LMNTD1: variants seen among roughly 807,000 people sequenced by gnomAD.
LMNTD1 encodes lamin tail domain containing 1.
LMNTD1 carries 35 observed loss-of-function variants against 50.9 expected under a neutral mutation model. The observed-to-expected ratio is 0.69, with a 90% confidence interval of 0.53 to 0.91. The LOEUF (loss-of-function observed/expected upper bound fraction) is 0.91. Ranked by LOEUF, LMNTD1 falls within the 40% of genes least tolerant of loss-of-function variation. The pLI, the probability that LMNTD1 is intolerant of heterozygous loss-of-function variation, is 0.00. For missense variants in LMNTD1, 470 were observed against 475.5 expected (o/e 0.99, Z 0.11); for synonymous variants, 153 against 161.9 (o/e 0.94, Z 0.42).
At chr12:25,612,545 C>T (rs898365503) in intron 1 of LMNTD1, among the ~76,000 whole-genome samples, 3 of 152,060 alleles carry the variant, frequency 2.0e-5, no homozygotes, top group Admixed American at 6.6e-5. Context: ...AATGTAAACT[C>T]GCATCAGATC....
At chr12:25,616,068 C>T (rs1946347240) in intron 1 of LMNTD1, among the ~76,000 whole-genome samples, 2 of 148,556 alleles carry the variant, frequency 1.3e-5, no homozygotes, top group Admixed American at 6.9e-5. Context: ...GACTATACCT[C>T]ACCCTCCCAC....
At chr12:25,621,407 A>T (rs1235868287) in intron 1 of LMNTD1, among the ~76,000 whole-genome samples, 3 of 152,174 alleles carry the variant, frequency 2.0e-5, no homozygotes, top group Non-Finnish European at 4.4e-5. Flanking sequence ...TTTTAAAACA[A>T]ATTTTATTTT....
intron 4 of LMNTD1, among the ~76,000 whole-genome samples, chr12:25,544,827 A>T (rs1943327246): frequency 6.6e-6 from 1 of 151,814 alleles, no homozygotes. Flanking sequence ...AGAATAGAAA[A>T]AAAGAAAGAA....
At chr12:25,570,248 AAAT>A (rs1944732538) in intron 1 of LMNTD1, among the ~76,000 whole-genome samples, 1 of 152,246 alleles carries the variant, frequency 6.6e-6, no homozygotes. Context: ...TGCGAATAAA[AAAT>A]AAATATAGTG....
intron 1 of LMNTD1, among the ~76,000 whole-genome samples, chr12:25,580,045 C>G (rs1945212366): frequency 6.6e-6 from 1 of 152,130 alleles, no homozygotes; most frequent in Admixed American, 6.5e-5. Context: ...TGTGCAACTA[C>G]TCTCTGCAAG....
chr12:25,513,642 A>C (rs1407401873), intron 8 of LMNTD1, among the ~76,000 whole-genome samples: 3 of 152,232 alleles, frequency 2.0e-5, no homozygotes, highest in Non-Finnish European at 4.4e-5. Flanking sequence ...CTTCAAAAAC[A>C]AGCAAGCAAA....
At chr12:25,639,761 C>G (rs1946913299) in intron 1 of LMNTD1, among the ~76,000 whole-genome samples, 1 of 152,152 alleles carries the variant, frequency 6.6e-6, no homozygotes, top group Admixed American at 6.5e-5. Flanking sequence ...AAGTGTTAAA[C>G]ATATAGTTAC....
Position 25,516,929 on chromosome 12 carries a change from T to A in LMNTD1, c.1189+1866A>T, listed in dbSNP as rs571490724. On this transcript the variant is annotated intron_variant, in intron 8 of 9. Transcript: ENST00000458174. ...AACAGATACTTCTCTAAAGAAGACA[T>A]TTATGCAGCCAAAAAACACATGAAA... Among the ~76,000 whole-genome samples, 32 of 151,656 alleles carry A rather than the reference T, an allele frequency of 2.1e-4. 1 individual carries two copies. The South Asian group carries it at 5.7e-3, about 27-fold the overall frequency.
intron 9 of LMNTD1, among the ~76,000 whole-genome samples, chr12:25,489,630 A>G (rs1938820004): frequency 6.6e-6 from 1 of 151,918 alleles, no homozygotes; most frequent in South Asian, 2.1e-4. Flanking sequence ...AGCTGTTCCT[A>G]TTCGGCCATC....
intron 1 of LMNTD1, among the ~76,000 whole-genome samples, chr12:25,605,293 T>C (rs1007410389): frequency 8.5e-5 from 13 of 152,292 alleles, no homozygotes; most frequent in African/African-American, 3.1e-4. Flanking sequence ...ATGTTGTAGG[T>C]TGCCTGTTCA....
chr12:25,613,201 T>C (rs892957192), intron 1 of LMNTD1, among the ~76,000 whole-genome samples: 3 of 152,142 alleles, frequency 2.0e-5, no homozygotes, highest in Non-Finnish European at 4.4e-5. Context: ...AGGCATGAAG[T>C]TGGTGGTAAT....
chr12:25,508,962 A>C (rs770251301), intron 8 of LMNTD1, among the ~76,000 whole-genome samples: 15 of 152,236 alleles, frequency 9.9e-5, no homozygotes, highest in Middle Eastern at 3.4e-3. Context: ...GTGATTATAT[A>C]ATTTTCCTCT....
At chr12:25,549,571 A>G in intron 2 of LMNTD1, 25 bp from the exon 3 acceptor site, 2 of 1,264,836 alleles carry the variant, frequency 1.6e-6, no homozygotes, top group African/African-American at 1.5e-5. Context: ...TATAATATAA[A>G]TAAATAAATA....
At chr12:25,512,432 T>C (rs889491804) in intron 8 of LMNTD1, among the ~76,000 whole-genome samples, 4 of 152,140 alleles carry the variant, frequency 2.6e-5, no homozygotes, top group Non-Finnish European at 4.4e-5. Flanking sequence ...TTTTAAAAAA[T>C]AATTAATGCA....
intron 4 of LMNTD1, among the ~76,000 whole-genome samples, chr12:25,529,925 A>G (rs913529234): frequency 6.6e-6 from 1 of 152,212 alleles, no homozygotes; most frequent in South Asian, 2.1e-4. Flanking sequence ...TTGCAAGAGC[A>G]TGATTCATGC....
At chr12:25,591,397 G>A (rs1182091965) in intron 1 of LMNTD1, among the ~76,000 whole-genome samples, 1 of 152,196 alleles carries the variant, frequency 6.6e-6, no homozygotes, top group Non-Finnish European at 1.5e-5. Context: ...TGGTGGTGGT[G>A]GCCACAGGGT....
chr12:25,575,852 T>C (rs1427178429), intron 1 of LMNTD1, among the ~76,000 whole-genome samples: 2 of 152,004 alleles, frequency 1.3e-5, no homozygotes, highest in Non-Finnish European at 2.9e-5. Flanking sequence ...CCCAACACCA[T>C]GACAGGCCCC....
chr12:25,596,048 A>T (rs746029483), intron 1 of LMNTD1, among the ~76,000 whole-genome samples: 1 of 152,088 alleles, frequency 6.6e-6, no homozygotes, highest in Admixed American at 6.5e-5. Flanking sequence ...TGGAAGAATT[A>T]GATACCCTGA....
intron 4 of LMNTD1, among the ~76,000 whole-genome samples, chr12:25,543,899 A>G (rs1943262199): frequency 6.6e-6 from 1 of 151,866 alleles, no homozygotes; most frequent in Admixed American, 6.6e-5. Context: ...GTATTTTCCT[A>G]AGTTCCAAGA....
Sources: gnomAD v4.1 joint callset for allele counts (sites outside exome capture counted in the v4.1 genomes callset) on GRCh38, gnomAD v4.1.1 for gene constraint, MANE v1.5 for transcripts, NCBI Gene and HGNC (gene_info 2026-07-23, HGNC 2026-07-21) for gene names.